The following PEAK1 variants were observed in gnomAD, a reference collection of about 807,000 sequenced individuals.
PEAK1 encodes inactive tyrosine-protein kinase PEAK1.
In PEAK1, 54 loss-of-function variants were observed where a neutral mutation model predicts 124.7. That is an observed-to-expected ratio of 0.43 (90% confidence interval 0.35 to 0.54). The LOEUF is 0.54. Ranked by LOEUF, PEAK1 falls within the 20% of genes least tolerant of loss-of-function variation. PEAK1 has a pLI of 0.01. For missense variants in PEAK1, 2,046 were observed against 2,134.5 expected, an observed-to-expected ratio of 0.96 and a Z score of 0.82; for synonymous variants, 719 against 760.0, an observed-to-expected ratio of 0.95 and a Z score of 0.89.
At position 77,286,508 on chromosome 15, in the gene PEAK1, T is replaced by C. The variant is rs1031075957; in HGVS notation, c.-602-4A>G. 1.6e-6 allele frequency: 2 copies of C among 1,217,286 alleles called. No individual in the cohort carries two copies. Among genetic ancestry groups the C allele is most frequent in the African/African-American group, 1.6e-5 (1 of 64,026 alleles). 75.4% of individuals were successfully genotyped at this position (1,217,286 alleles called of 1,614,324 possible). ...ATGGATCTCAAGTATTCTTTTCCTA[T>C]TAGAAGATGCAAAGTGGGGAAGATA... On this transcript the variant is annotated splice_region_variant and splice_polypyrimidine_tract_variant and intron_variant, in intron 2 of 9. Transcript: ENST00000682557.
chr15:77,358,199 C>T (rs2067646463), intron 2 of PEAK1, among the ~76,000 whole-genome samples: 1 of 152,088 alleles, frequency 6.6e-6, no homozygotes, highest in Admixed American at 6.6e-5. Context: ...TTGCTCTTAC[C>T]TGTTTCCTTT....
chr15:77,226,085 A>C (rs946001455), intron 6 of PEAK1, among the ~76,000 whole-genome samples: 1 of 137,356 alleles, frequency 7.3e-6, no homozygotes, highest in Non-Finnish European at 1.6e-5. Flanking sequence ...ATATATATAT[A>C]TATTACACAC....
chr15:77,272,271 C>G (rs762470171), intron 5 of PEAK1, among the ~76,000 whole-genome samples: 7 of 151,952 alleles, frequency 4.6e-5, no homozygotes, highest in Admixed American at 1.3e-4. Context: ...CAGAGCAGTA[C>G]TAAATGAAAT....
intron 2 of PEAK1, among the ~76,000 whole-genome samples, chr15:77,297,043 C>T (rs144626703): frequency 6.6e-6 from 1 of 151,816 alleles, no homozygotes; most frequent in Non-Finnish European, 1.5e-5. Flanking sequence ...GTAAAATATG[C>T]AGATCTGAAA....
chr15:77,376,088 A>T (rs566549311), intron 1 of PEAK1, among the ~76,000 whole-genome samples: 10 of 151,654 alleles, frequency 6.6e-5, no homozygotes, highest in East Asian at 3.9e-4. Context: ...AATTTATTTT[A>T]AAAAACCTTT....
intron 6 of PEAK1, among the ~76,000 whole-genome samples, chr15:77,246,260 G>C (rs191638132): frequency 6.6e-6 from 1 of 152,164 alleles, no homozygotes; most frequent in Non-Finnish European, 1.5e-5. Flanking sequence ...GCCTGCCTCG[G>C]CCTCCCAAAG....
At chr15:77,361,091 AT>A (rs2067857597) in intron 2 of PEAK1, among the ~76,000 whole-genome samples, 1 of 152,192 alleles carries the variant, frequency 6.6e-6, no homozygotes, top group South Asian at 2.1e-4. Flanking sequence ...AGCCTGTAGA[AT>A]GGGAGAAAAT....
intron 2 of PEAK1, among the ~76,000 whole-genome samples, chr15:77,359,230 G>T (rs2067724908): frequency 1.3e-5 from 2 of 152,048 alleles, no homozygotes; most frequent in Admixed American, 1.3e-4. Context: ...TTGAGCCCAG[G>T]AGTTTGTGAC....
At chr15:77,360,841 AT>A (rs2067841118) in intron 2 of PEAK1, among the ~76,000 whole-genome samples, 1 of 152,038 alleles carries the variant, frequency 6.6e-6, no homozygotes, top group Non-Finnish European at 1.5e-5. Context: ...GAAAATAAAA[AT>A]GTCTTTAAAG....
chr15:77,121,528 G>A (rs2051916387), intron 9 of PEAK1, among the ~76,000 whole-genome samples: 1 of 152,200 alleles, frequency 6.6e-6, no homozygotes, highest in Non-Finnish European at 1.5e-5. Context: ...AATCTGATCA[G>A]TGAGGGCTGT....
At chr15:77,205,441 T>C (rs1307922795) in intron 6 of PEAK1, among the ~76,000 whole-genome samples, 2 of 152,158 alleles carry the variant, frequency 1.3e-5, no homozygotes, top group Non-Finnish European at 2.9e-5. Context: ...ATACAAAGCA[T>C]ACTAACTGGC....
intron 7 of PEAK1, among the ~76,000 whole-genome samples, chr15:77,170,910 T>C (rs909352425): frequency 6.6e-6 from 1 of 152,176 alleles, no homozygotes; most frequent in East Asian, 1.9e-4. Flanking sequence ...GGTAGGTAGG[T>C]ACCATTTTAA....
At chr15:77,297,757 C>CAAAAA (rs370114659) in intron 2 of PEAK1, among the ~76,000 whole-genome samples, 3 of 85,398 alleles carry the variant, frequency 3.5e-5, no homozygotes, top group East Asian at 3.2e-4. Context: ...GATTTTGCCT[C>CAAAAA]AAAAAAAAAA....
At chr15:77,408,006 TAC>T (rs1406592195) in intron 1 of PEAK1, among the ~76,000 whole-genome samples, 2 of 150,296 alleles carry the variant, frequency 1.3e-5, no homozygotes. Context: ...TACACACACG[TAC>T]ACATATACAC....
chr15:77,248,626 C>T (rs2152921892), intron 6 of PEAK1, among the ~76,000 whole-genome samples: 1 of 152,262 alleles, frequency 6.6e-6, no homozygotes, highest in East Asian at 1.9e-4. Flanking sequence ...AGCAGATGCA[C>T]TCACCAGATA....
intron 5 of PEAK1, among the ~76,000 whole-genome samples, chr15:77,280,937 T>A (rs985479195): frequency 2.0e-5 from 3 of 152,102 alleles, no homozygotes; most frequent in Non-Finnish European, 4.4e-5. Flanking sequence ...GGTAGGTGGA[T>A]CACTTGAGGT....
chr15:77,209,401 C>A (rs555948767), intron 6 of PEAK1, among the ~76,000 whole-genome samples: 2 of 152,212 alleles, frequency 1.3e-5, no homozygotes, highest in East Asian at 3.9e-4. Flanking sequence ...ATCAAACAAG[C>A]TAACAGATGG....
At position 77,179,275 on chromosome 15, in the gene PEAK1, G is replaced by A; in HGVS notation, c.2652C>T (p.Asn884=). ...RSTSSPYHAG[N]LLQRHFTNWT... is the part of the protein sequence containing the mutation. The stretch of plus-strand genomic sequence containing the variant: ...AGTTGGTGAAATGCCTCTGCAAAAG[G>A]TTACCTGCATGGTAAGGAGAAGAAG... Residue 884 remains asparagine, a synonymous_variant, in exon 7 of 10, where the codon AAC becomes AAT. Coordinates refer to ENST00000682557, the MANE Select transcript of PEAK1 (RefSeq NM_001385026.1). The A allele has an allele frequency of 1.9e-6, 3 of 1,614,134 alleles. No individual in the cohort carries two copies. The highest frequency in any genetic ancestry group is 8.5e-7 in the Non-Finnish European group (1 of 1,180,028).
intron 1 of PEAK1, among the ~76,000 whole-genome samples, chr15:77,408,090 TAC>T (rs1251284826): frequency 2.5e-4 from 37 of 150,306 alleles, no homozygotes; most frequent in Admixed American, 6.0e-4. Context: ...TACACATATA[TAC>T]ACACACATAT....
Sources: allele counts gnomAD v4.1 joint callset (sites outside exome capture counted in the v4.1 genomes callset), GRCh38; gene constraint gnomAD v4.1.1; transcripts MANE v1.5; gene names NCBI Gene and HGNC (gene_info 2026-07-23, HGNC 2026-07-21).